PDE1C: variants seen among roughly 807,000 people sequenced by gnomAD.
PDE1C encodes phosphodiesterase 1C, also known as dual specificity calcium/calmodulin-dependent 3',5'-cyclic nucleotide phosphodiesterase 1C.
PDE1C carries 62 observed loss-of-function variants against 93.1 expected under a neutral mutation model. That is an observed-to-expected ratio of 0.67 (90% confidence interval 0.54 to 0.82). The LOEUF (loss-of-function observed/expected upper bound fraction) is 0.82. Ranked by LOEUF, PDE1C falls within the 40% of genes least tolerant of loss-of-function variation. PDE1C has a pLI of 0.00. For missense variants in PDE1C, 742 were observed against 884.6 expected, an observed-to-expected ratio of 0.84 and a Z score of 2.04; for synonymous variants, 325 against 310.1, an observed-to-expected ratio of 1.05 and a Z score of -0.50.
chr7:31,730,261 A>C, the PDE1C span, among the ~76,000 whole-genome samples: 1 of 152,028 alleles, frequency 6.6e-6, no homozygotes, highest in Non-Finnish European at 1.5e-5. Flanking sequence ...ACACTCACAT[A>C]CCCAGATGTC....
the PDE1C span, among the ~76,000 whole-genome samples, chr7:31,659,625 G>A: frequency 6.6e-6 from 1 of 152,166 alleles, no homozygotes; most frequent in African/African-American, 2.4e-5. Context: ...CTGAATAAAT[G>A]TAGAGCCATA....
intron 2 of PDE1C, among the ~76,000 whole-genome samples, chr7:31,915,302 T>G (rs903904206): frequency 6.6e-6 from 1 of 152,130 alleles, no homozygotes; most frequent in Non-Finnish European, 1.5e-5. Context: ...CCCAGCCCCA[T>G]GCCTGGCCTC....
intron 2 of PDE1C, among the ~76,000 whole-genome samples, chr7:31,904,881 G>T (rs1800401370): frequency 6.6e-6 from 1 of 152,044 alleles, no homozygotes; most frequent in African/African-American, 2.4e-5. Flanking sequence ...TCCAGTAGTT[G>T]AATGTGTTAC....
At position 31,909,977 on chromosome 7, in the gene PDE1C, A is replaced by G. The variant is rs1801033871; in HGVS notation, c.129-29117T>C. 2.0e-5 allele frequency among the ~76,000 whole-genome samples: 3 copies of G among 152,108 alleles called. No homozygotes were observed. The South Asian group carries it at 6.2e-4, about 32-fold the overall frequency. ...TACCCACGAGATGCCAGTAGCATCCACCCCCAAGTTGTGACAACTAAAAAT... is the reference window on the plus strand; with the variant it reads ...TACCCACGAGATGCCAGTAGCATCCGCCCCCAAGTTGTGACAACTAAAAAT... On this transcript the variant is annotated intron_variant, in intron 2 of 17. Transcript: ENST00000396191.
At chr7:32,320,518 G>T (rs945210358) in intron 1 of PDE1C, among the ~76,000 whole-genome samples, 6 of 150,804 alleles carry the variant, frequency 4.0e-5, no homozygotes, top group Non-Finnish European at 1.5e-5. Flanking sequence ...ACTTAAAAGT[G>T]GGGGGAAAAA....
At chr7:32,367,770 C>A (rs1251286482) in intron 1 of PDE1C, among the ~76,000 whole-genome samples, 1 of 151,860 alleles carries the variant, frequency 6.6e-6, no homozygotes, top group Non-Finnish European at 1.5e-5. Flanking sequence ...TAGTGAGTCC[C>A]CTTCTCTACA....
rs1274206858 is a variant in PDE1C at position 31,920,898 on chromosome 7, T to C, written c.129-40038A>G. Among the ~76,000 whole-genome samples the C allele has an allele frequency of 1.3e-5, 2 of 152,220 alleles. 1 individual carries two copies. Among genetic ancestry groups the C allele is most frequent in the Admixed American group, 1.3e-4 (2 of 15,282 alleles). ...TAGTCAAGTCTCCATCCTAACAGTT[T>C]AACCCTTCTAATATGCCTGATTTCT... On this transcript the variant is annotated intron_variant, in intron 2 of 17. Coordinates refer to ENST00000396191, the MANE Select transcript of PDE1C (RefSeq NM_001191057.4).
the PDE1C span, among the ~76,000 whole-genome samples, chr7:31,644,108 T>C: frequency 6.6e-6 from 1 of 152,242 alleles, no homozygotes; most frequent in African/African-American, 2.4e-5. Context: ...TTATTGTTTA[T>C]GATATAGTAT....
At chr7:31,800,526 T>C (rs1785872031) in intron 16 of PDE1C, among the ~76,000 whole-genome samples, 1 of 151,550 alleles carries the variant, frequency 6.6e-6, no homozygotes, top group Non-Finnish European at 1.5e-5. Context: ...TGCCCTTTAT[T>C]AAAAATAAAT....
In PDE1C at chr7:32,119,544, A is replaced by G. The variant is rs566404915; in HGVS notation, c.308+50241T>C. On this transcript the variant is annotated intron_variant, in intron 3 of 18. Coordinates refer to the PDE1C transcript ENST00000396193. Reference sequence around the variant, plus strand: ...AGCTGCAACCAGAGGCTCCCATCAAAAAGAACCATAATAGCGTGTAAATCC... The same window carrying G: ...AGCTGCAACCAGAGGCTCCCATCAAGAAGAACCATAATAGCGTGTAAATCC... Among the ~76,000 whole-genome samples, 3 of 152,320 alleles carry G rather than the reference A, an allele frequency of 2.0e-5. No homozygotes were observed. The South Asian group carries it at 6.2e-4, about 32-fold the overall frequency.
the PDE1C span, among the ~76,000 whole-genome samples, chr7:31,627,659 C>CAAAAAAAAAAAAAAAAA: frequency 1.3e-5 from 1 of 75,518 alleles, no homozygotes; most frequent in Non-Finnish European, 2.4e-5. Flanking sequence ...GACACTGTCT[C>CAAAAAAAAAAAAAAAAA]AAAAAAAAAA....
chr7:31,724,029 C>T, the PDE1C span, among the ~76,000 whole-genome samples: 11 of 152,116 alleles, frequency 7.2e-5, no homozygotes, highest in Admixed American at 2.6e-4. Context: ...CGCTAGCTTG[C>T]GATCTATTTA....
At chr7:32,098,796 T>C (rs144377410) in intron 3 of PDE1C, among the ~76,000 whole-genome samples, 312 of 152,290 alleles carry the variant, frequency 2.0e-3, no homozygotes, top group African/African-American at 7.0e-3. Context: ...CTCTCTTCTA[T>C]CACCTTGACT....
chr7:31,658,419 C>G, the PDE1C span: 2 of 1,478,378 alleles, frequency 1.4e-6, no homozygotes, highest in Non-Finnish European at 1.8e-6. Flanking sequence ...AGAAAATAAT[C>G]AGTTTCCAGA....
At position 32,339,325 on chromosome 7, in the gene PDE1C, G is replaced by T. The variant is rs1783698910; in HGVS notation, c.310+88497C>A. Among the ~76,000 whole-genome samples the T allele has an allele frequency of 2.0e-5, 3 of 152,134 alleles. No homozygotes were observed. The South Asian group carries it at 6.2e-4, about 32-fold the overall frequency. ...GTAGTCAAATTCATAGAAACCAAAA[G>T]TAGAATCGTGGTTACCAGGGACAGG... On this transcript the variant is annotated intron_variant, in intron 1 of 1. Coordinates refer to the PDE1C transcript ENST00000672256.
At chr7:31,857,781 G>T (rs1034341463) in intron 7 of PDE1C, among the ~76,000 whole-genome samples, 5 of 152,072 alleles carry the variant, frequency 3.3e-5, no homozygotes, top group Admixed American at 1.3e-4. Flanking sequence ...TAAACAAATA[G>T]CATATTCCCC....
chr7:31,970,694 T>C (rs1454975210), intron 2 of PDE1C, among the ~76,000 whole-genome samples: 2 of 152,238 alleles, frequency 1.3e-5, no homozygotes, highest in African/African-American at 4.8e-5. Flanking sequence ...TCCCTCAACA[T>C]GTAGATCAAA....
At chr7:32,310,801 G>A (rs545783721) in intron 1 of PDE1C, among the ~76,000 whole-genome samples, 2 of 151,860 alleles carry the variant, frequency 1.3e-5, no homozygotes, top group African/African-American at 2.4e-5. Context: ...GAGAAAGCAG[G>A]AAAGATCCAA....
intron 1 of PDE1C, among the ~76,000 whole-genome samples, chr7:32,234,254 C>A (rs559306946): frequency 1.1e-4 from 16 of 151,814 alleles, no homozygotes; most frequent in Non-Finnish European, 2.1e-4. Context: ...GAAAATTAAA[C>A]CCACTGGAGC....
Sources: allele counts gnomAD v4.1 joint callset (sites outside exome capture counted in the v4.1 genomes callset), GRCh38; gene constraint gnomAD v4.1.1; transcripts MANE v1.5; gene names NCBI Gene and HGNC (gene_info 2026-07-23, HGNC 2026-07-21).